Variants in DOCK1 observed in about 807,000 individuals in gnomAD.
DOCK1 encodes the protein dedicator of cytokinesis protein 1.
In DOCK1, 138 loss-of-function variants were observed where a neutral mutation model predicts 262.7. That is an observed-to-expected ratio of 0.53 (90% confidence interval 0.46 to 0.61). The LOEUF is 0.61. Ranked by LOEUF, DOCK1 falls within the 20% of genes least tolerant of loss-of-function variation. DOCK1 has a pLI of 0.00. For synonymous variants in DOCK1, 866 were observed against 867.4 expected, an observed-to-expected ratio of 1.00 and a Z score of 0.03; for missense variants, 1,908 against 2,370.7, an observed-to-expected ratio of 0.80 and a Z score of 4.05.
In DOCK1 at chr10:127,361,055, TAA is replaced by T. The variant is rs146244650; in HGVS notation, c.3284-1005_3284-1004del. 6.6e-3 allele frequency among the ~76,000 whole-genome samples: 1,004 copies of T among 151,790 alleles called. 54 individuals carry two copies. In the East Asian group the frequency reaches 0.12, roughly 18 times the overall value. On this transcript the variant is annotated intron_variant, in intron 32 of 51. Transcript: ENST00000623213. Reference sequence around the variant, plus strand: ...TTGAGAAACATTTTTCTGAGTTCTTTAAAAATCATATCTGGAACAAGATAGGT... The same window carrying T: ...TTGAGAAACATTTTTCTGAGTTCTTTAAATCATATCTGGAACAAGATAGGT...
intron 29 of DOCK1, among the ~76,000 whole-genome samples, chr10:127,326,463 T>TCCTTATC (rs2062752704): frequency 6.6e-6 from 1 of 152,224 alleles, no homozygotes; most frequent in South Asian, 2.1e-4. Context: ...GAGTGGGAAC[T>TCCTTATC]CCTTATCCAT....
At chr10:127,069,901 G>GT (rs2046111598) in intron 23 of DOCK1, among the ~76,000 whole-genome samples, 1 of 152,098 alleles carries the variant, frequency 6.6e-6, no homozygotes, top group Non-Finnish European at 1.5e-5. Context: ...TAAAACAGTG[G>GT]TTTTTTTCTT....
chr10:126,950,806 G>C (rs929620155), intron 1 of DOCK1, among the ~76,000 whole-genome samples: 11 of 152,120 alleles, frequency 7.2e-5, no homozygotes, highest in Admixed American at 7.2e-4. Flanking sequence ...TCAAGTGTTC[G>C]TTGGAGTTTC....
chr10:127,283,394 C>T (rs1564963195), intron 29 of DOCK1, among the ~76,000 whole-genome samples: 1 of 152,230 alleles, frequency 6.6e-6, no homozygotes, highest in African/African-American at 2.4e-5. Flanking sequence ...AAGGAGGTTA[C>T]TGAAGCCTCC....
At chr10:127,258,360 T>G (rs1299117851) in intron 29 of DOCK1, among the ~76,000 whole-genome samples, 1 of 152,234 alleles carries the variant, frequency 6.6e-6, no homozygotes, top group Non-Finnish European at 1.5e-5. Context: ...TATAATTGCT[T>G]CATTTCAAAA....
At chr10:126,993,115 T>A (rs1356981150) in intron 6 of DOCK1, among the ~76,000 whole-genome samples, 4 of 152,250 alleles carry the variant, frequency 2.6e-5, no homozygotes, top group Non-Finnish European at 5.9e-5. Context: ...CAAGCTTAGG[T>A]TTCCTCCTTT....
chr10:127,354,758 A>G (rs758893802), intron 32 of DOCK1, 31 bp downstream of exon 32: 3 of 1,613,432 alleles, frequency 1.9e-6, no homozygotes, highest in Admixed American at 3.3e-5. Flanking sequence ...GGCATAGTGA[A>G]TATCTTGCAT....
chr10:127,089,374 G>A (rs925330249), intron 23 of DOCK1, among the ~76,000 whole-genome samples: 33 of 152,020 alleles, frequency 2.2e-4, no homozygotes, highest in African/African-American at 7.7e-4. Flanking sequence ...CCTACCCCTC[G>A]GGCCTCTTGC....
chr10:127,170,251 A>G (rs1589751056), intron 27 of DOCK1, among the ~76,000 whole-genome samples: 1 of 152,122 alleles, frequency 6.6e-6, no homozygotes, highest in African/African-American at 2.4e-5. Context: ...TTTGCTCTGA[A>G]TTAGTAAAGT....
intron 1 of DOCK1, among the ~76,000 whole-genome samples, chr10:126,941,646 T>G (rs944560311): frequency 3.3e-5 from 5 of 152,040 alleles, no homozygotes; most frequent in Non-Finnish European, 5.9e-5. Context: ...GTCCCGCTAC[T>G]CGGGAGGCTG....
chr10:127,297,787 A>T (rs2061551424), intron 29 of DOCK1, among the ~76,000 whole-genome samples: 1 of 152,152 alleles, frequency 6.6e-6, no homozygotes, highest in South Asian at 2.1e-4. Context: ...TGAGAGGGGA[A>T]ATGCGGGAAG....
chr10:127,354,798 C>A, intron 32 of DOCK1, 71 bp downstream of exon 32: 1 of 1,585,382 alleles, frequency 6.3e-7, no homozygotes, highest in South Asian at 1.1e-5. Context: ...TGGCCGTGTT[C>A]ATCAGTGTTG....
intron 28 of DOCK1, among the ~76,000 whole-genome samples, chr10:127,250,169 A>G (rs1222761053): frequency 6.6e-6 from 1 of 152,218 alleles, no homozygotes; most frequent in Admixed American, 6.5e-5. Flanking sequence ...AGAATTACTC[A>G]CCTGGAAAAG....
intron 19 of DOCK1, among the ~76,000 whole-genome samples, chr10:127,039,389 C>T (rs955856703): frequency 4.6e-5 from 7 of 152,184 alleles, no homozygotes; most frequent in East Asian, 1.9e-4. Flanking sequence ...GTATTTCTGG[C>T]GACCAGTTAC....
At chr10:127,206,572 C>T (rs771821346) in intron 27 of DOCK1, among the ~76,000 whole-genome samples, 1 of 152,086 alleles carries the variant, frequency 6.6e-6, no homozygotes, top group African/African-American at 2.4e-5. Flanking sequence ...ATGTGATTTG[C>T]GCTGTGAGAG....
At position 127,183,071 on chromosome 10, in the gene DOCK1, C is replaced by CTTTTTTTTTTTTTTT. The variant is rs3066813; in HGVS notation, c.2847+55318_2847+55332dup. Among the ~76,000 whole-genome samples, 2 of 88,634 alleles carry CTTTTTTTTTTTTTTT rather than the reference C, an allele frequency of 2.3e-5. 1 individual carries two copies. The highest frequency in any genetic ancestry group is 4.3e-5 in the Non-Finnish European group (2 of 46,792). The allele number at this position is 88,634 out of a possible 152,430, so 58.1% of individuals were successfully genotyped here. A position where few individuals can be genotyped will look rare whatever the true frequency, so the allele number is the denominator to read the frequency against. On this transcript the variant is annotated intron_variant, in intron 27 of 51. Transcript: ENST00000623213. The stretch of plus-strand genomic sequence containing the variant: ...CTTTGCCTTCCTGATTATGGTGAAT[C>CTTTTTTTTTTTTTTT]TTTTTTTTTTTTTTTTTTTTTTTTT...
intron 40 of DOCK1, among the ~76,000 whole-genome samples, chr10:127,407,184 A>G (rs1485966600): frequency 6.6e-6 from 1 of 152,094 alleles, no homozygotes; most frequent in Non-Finnish European, 1.5e-5. Context: ...AGGGAAGGGG[A>G]CTGTCTTAGT....
intron 23 of DOCK1, among the ~76,000 whole-genome samples, chr10:127,070,170 C>A (rs1301859383): frequency 1.3e-5 from 2 of 151,438 alleles, no homozygotes; most frequent in Non-Finnish European, 2.9e-5. Flanking sequence ...GGCGTGGCCT[C>A]AGGTCAACTT....
chr10:127,055,080 A>G (rs1169081522), intron 22 of DOCK1, among the ~76,000 whole-genome samples: 1 of 151,764 alleles, frequency 6.6e-6, no homozygotes. Flanking sequence ...TTTTCGTTTG[A>G]TCAGTCTAAT....
Sources: allele counts gnomAD v4.1 joint callset (sites outside exome capture counted in the v4.1 genomes callset), GRCh38; gene constraint gnomAD v4.1.1; transcripts MANE v1.5; gene names NCBI Gene and HGNC (gene_info 2026-07-23, HGNC 2026-07-21).